The following DGKB variants were observed in gnomAD, a reference collection of about 807,000 sequenced individuals.
The protein encoded by DGKB is diacylglycerol kinase beta.
DGKB carries 67 observed loss-of-function variants against 114.3 expected under a neutral mutation model. The observed-to-expected ratio is 0.59, with a 90% confidence interval of 0.48 to 0.72. The LOEUF (loss-of-function observed/expected upper bound fraction) is 0.72, where lower values mean the gene tolerates loss of function less well. Among genes scored for constraint, DGKB ranks in the 30% least tolerant of loss-of-function variants. DGKB has a pLI of 0.00. For synonymous variants in DGKB, 398 were observed against 323.1 expected (o/e 1.23, Z -2.49); for missense variants, 907 against 975.2 (o/e 0.93, Z 0.93).
At chr7:14,903,547 C>T (rs1311647334), upstream of DGKB, among the ~76,000 whole-genome samples, 2 of 152,102 alleles carry the variant, frequency 1.3e-5, no homozygotes, top group Non-Finnish European at 2.9e-5. Context: ...CAACTGTAGT[C>T]CTTGGTGGGT....
chr7:14,194,573 G>C (rs182849826), intron 23 of DGKB, among the ~76,000 whole-genome samples: 14 of 152,190 alleles, frequency 9.2e-5, no homozygotes, highest in African/African-American at 2.4e-4. Context: ...AAAAAATCTA[G>C]CAGTGTGAAA....
At chr7:14,736,864 C>T (rs994849582) in intron 4 of DGKB, among the ~76,000 whole-genome samples, 1 of 152,046 alleles carries the variant, frequency 6.6e-6, no homozygotes, top group Non-Finnish European at 1.5e-5. Flanking sequence ...TGCCCATTAG[C>T]GGAAATGGTG....
chr7:14,562,803 A>C (rs1796866527), intron 20 of DGKB, among the ~76,000 whole-genome samples: 1 of 152,144 alleles, frequency 6.6e-6, no homozygotes, highest in African/African-American at 2.4e-5. Context: ...GTTTTAGATT[A>C]GACTTTGGAC....
At chr7:14,796,225 T>C (rs1291514347) in intron 2 of DGKB, among the ~76,000 whole-genome samples, 1 of 152,178 alleles carries the variant, frequency 6.6e-6, no homozygotes, top group Non-Finnish European at 1.5e-5. Context: ...AGGCCCACAG[T>C]AGAGGACCAT....
chr7:14,669,853 A>T (rs1818657423), intron 13 of DGKB, among the ~76,000 whole-genome samples: 1 of 152,146 alleles, frequency 6.6e-6, no homozygotes, highest in South Asian at 2.1e-4. Flanking sequence ...GTTGTTTCTA[A>T]AAATGTGAAA....
At chr7:14,296,189 G>A (rs1249597125) in intron 23 of DGKB, among the ~76,000 whole-genome samples, 2 of 151,868 alleles carry the variant, frequency 1.3e-5, no homozygotes, top group Non-Finnish European at 2.9e-5. Context: ...GTGCCACCAT[G>A]CCCAGCTAAT....
chr7:14,517,961 G>A (rs1405833179), intron 20 of DGKB, among the ~76,000 whole-genome samples: 2 of 152,114 alleles, frequency 1.3e-5, no homozygotes, highest in African/African-American at 4.8e-5. Context: ...CCATTCTGGG[G>A]TATACGCCCA....
At chr7:14,659,257 A>G (rs2128919449) in intron 13 of DGKB, among the ~76,000 whole-genome samples, 1 of 152,222 alleles carries the variant, frequency 6.6e-6, no homozygotes, top group African/African-American at 2.4e-5. Flanking sequence ...TTCACATCCT[A>G]TCATTTCCTG....
At chr7:14,620,441 A>T (rs1220408761) in intron 15 of DGKB, among the ~76,000 whole-genome samples, 1 of 151,544 alleles carries the variant, frequency 6.6e-6, no homozygotes, top group African/African-American at 2.4e-5. Flanking sequence ...TATTGAAAAA[A>T]TACAAAAGAC....
rs11348925 is a variant in DGKB at position 14,737,283 on chromosome 7, A to ATTTT, written c.169-1093_169-1090dup. ...CTTTATAGGTAGCCCTTGAAGGCCAATTTTTTTTTTTTTTTTTTTTTTTTT... is the reference window on the plus strand; with the variant it reads ...CTTTATAGGTAGCCCTTGAAGGCCAATTTTTTTTTTTTTTTTTTTTTTTTTTTTT... On this transcript the variant is annotated intron_variant, in intron 4 of 25. Coordinates refer to ENST00000402815, the MANE Select transcript of DGKB (RefSeq NM_001350709.2). 1.7e-4 allele frequency among the ~76,000 whole-genome samples: 14 copies of ATTTT among 82,504 alleles called. No homozygotes were observed. The East Asian group carries it at 1.9e-3, about 11-fold the overall frequency. The allele number at this position is 82,504 out of a possible 152,430, so 54.1% of individuals were successfully genotyped here. A position where few individuals can be genotyped will look rare whatever the true frequency, so the allele number is the denominator to read the frequency against.
chr7:14,748,626 G>T (rs1437665851), intron 4 of DGKB, among the ~76,000 whole-genome samples: 3 of 152,122 alleles, frequency 2.0e-5, no homozygotes, highest in Admixed American at 6.5e-5. Flanking sequence ...TGTGTGGACT[G>T]GGCAGAGCAT....
chr7:14,870,484 C>G (rs1293024856), intron 1 of DGKB, among the ~76,000 whole-genome samples: 1 of 152,102 alleles, frequency 6.6e-6, no homozygotes, highest in Non-Finnish European at 1.5e-5. Flanking sequence ...CTTTTGTTAA[C>G]ATTATATTTT....
At chr7:14,739,252 G>A (rs1832188825) in intron 4 of DGKB, among the ~76,000 whole-genome samples, 1 of 152,198 alleles carries the variant, frequency 6.6e-6, no homozygotes. Context: ...TGCACAGGAG[G>A]CCTGTCTAAA....
chr7:14,707,554 T>C (rs1027832439), intron 6 of DGKB, among the ~76,000 whole-genome samples: 3 of 95,484 alleles, frequency 3.1e-5, no homozygotes, highest in African/African-American at 7.5e-5. Flanking sequence ...TGAACATTGA[T>C]GCAAAAATCC....
chr7:14,347,156 T>G (rs573231301), intron 21 of DGKB, among the ~76,000 whole-genome samples: 1 of 151,954 alleles, frequency 6.6e-6, no homozygotes, highest in African/African-American at 2.4e-5. Flanking sequence ...CCTGGACATG[T>G]GAGGCCCACT....
At chr7:14,404,264 C>G (rs1823590280) in intron 21 of DGKB, among the ~76,000 whole-genome samples, 1 of 151,332 alleles carries the variant, frequency 6.6e-6, no homozygotes, top group Admixed American at 6.6e-5. Flanking sequence ...CCCCATTTAA[C>G]CTCCTATTCA....
chr7:14,747,960 T>G (rs1235751165), intron 4 of DGKB, among the ~76,000 whole-genome samples: 2 of 152,230 alleles, frequency 1.3e-5, no homozygotes, highest in Non-Finnish European at 2.9e-5. Context: ...CATTTCTATA[T>G]GCCTTTCATT....
At chr7:14,178,002 G>A (rs764146287) in intron 24 of DGKB, 29 bp downstream of exon 24, 13 of 1,517,002 alleles carry the variant, frequency 8.6e-6, no homozygotes, top group African/African-American at 4.3e-5. Context: ...CATATCAAAC[G>A]CCTTTGTCAG....
intron 20 of DGKB, among the ~76,000 whole-genome samples, chr7:14,568,941 G>A (rs765672435): frequency 1.7e-4 from 26 of 152,176 alleles, no homozygotes; most frequent in Non-Finnish European, 3.4e-4. Context: ...TACAAACTAC[G>A]TGCTCATCTG....
Sources: allele counts gnomAD v4.1 joint callset (sites outside exome capture counted in the v4.1 genomes callset), GRCh38; gene constraint gnomAD v4.1.1; transcripts MANE v1.5; gene names NCBI Gene and HGNC (gene_info 2026-07-23, HGNC 2026-07-21).